RPAP3: variants seen among roughly 807,000 people sequenced by gnomAD.
RPAP3 encodes the protein RNA polymerase II-associated protein 3.
Under a neutral mutation model 88.8 loss-of-function variants are expected in RPAP3, and 58 were observed. The observed-to-expected ratio is 0.65, with a 90% CI of 0.53 to 0.81. The LOEUF is 0.81. RPAP3 is among the 40% of genes least tolerant of loss of function. The pLI, the probability that RPAP3 is intolerant of heterozygous loss-of-function variation, is 0.00. For missense variants in RPAP3, 751 were observed against 764.3 expected, an observed-to-expected ratio of 0.98 and a Z score of 0.20; for synonymous variants, 255 against 259.9, an observed-to-expected ratio of 0.98 and a Z score of 0.18.
chr12:47,686,516 C>T lies in RPAP3; in HGVS notation c.992+264G>A, dbSNP rs1305025200. On this transcript the variant is annotated intron_variant, in intron 9 of 16. Coordinates refer to ENST00000005386, the MANE Select transcript of RPAP3 (RefSeq NM_024604.3). ...CACCTTGTGCCTGGAACTATGTATA[C>T]CACAGGTACATAAACACACACATAC... Among the ~76,000 whole-genome samples, 5 of 133,642 alleles carry T rather than the reference C, an allele frequency of 3.7e-5. No individual in the cohort carries two copies. The South Asian group carries it at 9.8e-4, about 26-fold the overall frequency. The allele number at this position is 133,642 out of a possible 152,430, so 87.7% of individuals were successfully genotyped here.
At position 47,668,707 on chromosome 12, in the gene RPAP3, T is replaced by A. The variant is rs1350331569; in HGVS notation, c.1713+209A>T. The stretch of plus-strand genomic sequence containing the variant: ...AATTAGATTACGTTATTTGAGACAA[T>A]AGAATTTGACATAGAATCTATTGCC... On this transcript the variant is annotated intron_variant, in intron 14 of 16. Transcript: ENST00000005386. Among the ~76,000 whole-genome samples the A allele has an allele frequency of 2.6e-5, 4 of 152,190 alleles. No homozygotes were observed. In the South Asian group the frequency reaches 8.3e-4, roughly 31 times the overall value.
intron 3 of RPAP3, among the ~76,000 whole-genome samples, chr12:47,698,766 C>G (rs1322003991): frequency 1.3e-5 from 2 of 152,186 alleles, no homozygotes; most frequent in Non-Finnish European, 2.9e-5. Context: ...CCCGCCTCAG[C>G]CTCCCAAAGT....
intron 2 of RPAP3, among the ~76,000 whole-genome samples, chr12:47,701,910 GA>G (rs1383426337): frequency 6.6e-6 from 1 of 152,086 alleles, no homozygotes; most frequent in Non-Finnish European, 1.5e-5. Flanking sequence ...GCCTTAGTAC[GA>G]TGAACCAGCA....
At chr12:47,663,959 A>G (rs1938813302) in intron 16 of RPAP3, among the ~76,000 whole-genome samples, 1 of 152,214 alleles carries the variant, frequency 6.6e-6, no homozygotes, top group Non-Finnish European at 1.5e-5. Context: ...TGTTTTTCAA[A>G]CCTAAATCAT....
chr12:47,666,572 T>C (rs1314180855), intron 16 of RPAP3, among the ~76,000 whole-genome samples: 2 of 152,152 alleles, frequency 1.3e-5, no homozygotes, highest in Admixed American at 6.5e-5. Context: ...ATCCTTTACA[T>C]AGTAACAGTA....
intron 12 of RPAP3, among the ~76,000 whole-genome samples, 184 bp from the exon 13 acceptor site, chr12:47,670,529 C>T (rs1214403440): frequency 6.6e-6 from 1 of 152,084 alleles, no homozygotes; most frequent in Non-Finnish European, 1.5e-5. Flanking sequence ...AAGCACTTAT[C>T]CCAGGTAGGT....
At chr12:47,666,941 G>A in intron 16 of RPAP3, 39 bp downstream of exon 16, 1 of 1,059,532 alleles carries the variant, frequency 9.4e-7, no homozygotes, top group Non-Finnish European at 1.4e-6. Flanking sequence ...ATACAGGAAT[G>A]TACAAAAATA....
chr12:47,665,253 C>T (rs565056851), intron 16 of RPAP3, among the ~76,000 whole-genome samples: 76 of 151,676 alleles, frequency 5.0e-4, no homozygotes, highest in South Asian at 1.7e-3. Flanking sequence ...TCTGCCACCA[C>T]GCCCAGCTAA....
chr12:47,686,511 G>A (rs1242421785), intron 9 of RPAP3, among the ~76,000 whole-genome samples: 1 of 142,636 alleles, frequency 7.0e-6, no homozygotes, highest in East Asian at 2.1e-4. Flanking sequence ...CTGGAACTAT[G>A]TATACCACAG....
chr12:47,696,096 T>C, intron 5 of RPAP3, 180 bp downstream of exon 5: 1 of 452,312 alleles, frequency 2.2e-6, no homozygotes, highest in Non-Finnish European at 3.6e-6. Flanking sequence ...CACCAGATGT[T>C]TAAAATGGCT....
Position 47,697,706 on chromosome 12 carries a change from T to C in RPAP3, c.308A>G (p.Asp103Gly). ...WAKLDVDRIL[D>G]ELDKDDSTHE... Reference sequence around the variant, plus strand: ...GGTACTATCGTCTTTGTCAAGCTCATCAAGGATACGGTCCTAAAATCAAAA... The same window carrying C: ...GGTACTATCGTCTTTGTCAAGCTCACCAAGGATACGGTCCTAAAATCAAAA... Residue 103 changes from aspartate to glycine, a missense_variant, in exon 4 of 17, where the codon GAT becomes GGT. Coordinates refer to ENST00000005386, the MANE Select transcript of RPAP3 (RefSeq NM_024604.3). The C allele has an allele frequency of 6.2e-7, 1 of 1,601,422 alleles. No homozygotes were observed. Among genetic ancestry groups the C allele is most frequent in the Non-Finnish European group, 8.5e-7 (1 of 1,176,062 alleles).
chr12:47,699,403 T>TCTC (rs1430626322), intron 3 of RPAP3: 1 of 152,058 alleles, frequency 6.6e-6, no homozygotes, highest in African/African-American at 2.4e-5. Context: ...CTACGTGAAC[T>TCTC]TGAGAATAAA....
intron 6 of RPAP3, among the ~76,000 whole-genome samples, chr12:47,690,062 A>C (rs1459249177): frequency 6.6e-6 from 1 of 152,052 alleles, no homozygotes; most frequent in Non-Finnish European, 1.5e-5. Context: ...AAAAGAAAAA[A>C]AAAAACCTAA....
intron 7 of RPAP3, 140 bp downstream of exon 7, chr12:47,688,984 AT>A: frequency 1.9e-6 from 1 of 531,838 alleles, no homozygotes; most frequent in Non-Finnish European, 3.2e-6. Flanking sequence ...ATGCAAATTC[AT>A]TTAGTAAAAC....
At chr12:47,694,748 T>C (rs1939490669) in intron 5 of RPAP3, among the ~76,000 whole-genome samples, 1 of 152,022 alleles carries the variant, frequency 6.6e-6, no homozygotes, top group Admixed American at 6.5e-5. Context: ...ATGCTTAACC[T>C]TACTAATAGT....
intron 12 of RPAP3, among the ~76,000 whole-genome samples, chr12:47,672,095 A>AC (rs1039883444): frequency 1.3e-5 from 2 of 152,114 alleles, no homozygotes; most frequent in African/African-American, 4.8e-5. Flanking sequence ...AAGAAAAAAA[A>AC]AGGAAATAAA....
At chr12:47,665,408 C>T (rs1289787959) in intron 16 of RPAP3, among the ~76,000 whole-genome samples, 6 of 151,338 alleles carry the variant, frequency 4.0e-5, no homozygotes, top group Non-Finnish European at 4.4e-5. Flanking sequence ...TGAGCCACTG[C>T]ACCCGCCTGA....
chr12:47,704,978 G>A (rs539484015), intron 1 of RPAP3, among the ~76,000 whole-genome samples: 1 of 151,504 alleles, frequency 6.6e-6, no homozygotes, highest in Admixed American at 6.6e-5. Context: ...ACTCCAGCCT[G>A]GGACCAAAAA....
Position 47,670,204 on chromosome 12 carries a change from T to C in RPAP3, c.1429A>G (p.Lys477Glu), listed in dbSNP as rs1170594958. The change falls in exon 13 of 17, where the codon AAG (lysine) becomes GAG (glutamate). Residue 477 changes from lysine (K) to glutamate (E), a missense_variant. Transcript: ENST00000005386. ...NVIAATGTTS[K>E]KNSSQDDLFP... is the part of the protein sequence containing the mutation. The stretch of plus-strand genomic sequence containing the variant: ...AGGTCATCTTGGCTTGAATTCTTCT[T>C]ACTTGTGGTGCCTGTGGCTGCTATT... 2 of 1,613,920 alleles carry C rather than the reference T, an allele frequency of 1.2e-6. No individual in the cohort carries two copies. The highest frequency in any genetic ancestry group is 1.7e-6 in the Non-Finnish European group (2 of 1,179,938).
Sources: gnomAD v4.1 joint callset for allele counts (sites outside exome capture counted in the v4.1 genomes callset) on GRCh38, gnomAD v4.1.1 for gene constraint, MANE v1.5 for transcripts, NCBI Gene and HGNC (gene_info 2026-07-23, HGNC 2026-07-21) for gene names.